The following DMXL1 variants were observed in gnomAD, a reference collection of about 807,000 sequenced individuals.
DMXL1 encodes the protein dmX-like protein 1.
A neutral mutation model predicts 319.2 loss-of-function variants in DMXL1; 99 were observed. That is an observed-to-expected ratio of 0.31 (90% CI 0.26 to 0.37). The LOEUF (loss-of-function observed/expected upper bound fraction) is 0.37. DMXL1 is among the 10% of genes least tolerant of loss of function. The pLI, the probability that DMXL1 is intolerant of heterozygous loss-of-function variation, is 1.00. For missense variants in DMXL1, 3,745 were observed against 3,595.6 expected, an observed-to-expected ratio of 1.04 and a Z score of -1.06; for synonymous variants, 1,385 against 1,235.2, an observed-to-expected ratio of 1.12 and a Z score of -2.54.
intron 9 of DMXL1, chr5:119,128,274 A>G: frequency 3.3e-6 from 1 of 299,646 alleles, no homozygotes; most frequent in Non-Finnish European, 6.5e-6. Context: ...TTCTGAATCC[A>G]GATTTCCCCA....
chr5:119,091,591 A>G (rs894691995), intron 1 of DMXL1, among the ~76,000 whole-genome samples: 1 of 152,052 alleles, frequency 6.6e-6, no homozygotes, highest in Non-Finnish European at 1.5e-5. Context: ...GTTTTGGTTT[A>G]TATTGGATAT....
At chr5:119,082,016 TATATACACACACACACAC>T (rs1342816979) in intron 1 of DMXL1, among the ~76,000 whole-genome samples, 1 of 78,724 alleles carries the variant, frequency 1.3e-5, no homozygotes, top group African/African-American at 3.7e-5. Context: ...TATATATATA[TATATACACACACACACAC>T]ACACACACAC....
chr5:119,125,233 T>C (rs1410949451), intron 9 of DMXL1, among the ~76,000 whole-genome samples: 1 of 152,206 alleles, frequency 6.6e-6, no homozygotes, highest in Non-Finnish European at 1.5e-5. Flanking sequence ...GACTTTTTTC[T>C]CTTCAAGGGT....
Position 119,134,014 on chromosome 5 carries a change from A to G in DMXL1, c.2090A>G (p.Asp697Gly). The G allele has an allele frequency of 1.9e-6, 3 of 1,614,158 alleles. No individual in the cohort carries two copies. The highest frequency in any genetic ancestry group is 2.5e-6 in the Non-Finnish European group (3 of 1,180,038). Residue 697 changes from aspartate to glycine, a missense_variant, in exon 12 of 44, where the codon GAT becomes GGT. Physicochemically the swap from Asp to Gly is moderately conservative, Grantham distance 94. This residue lies in a region of DMXL1 where 2,096 missense variants were observed against 1,985.4 expected (regional missense o/e 1.06). Coordinates refer to ENST00000539542, the MANE Select transcript of DMXL1 (RefSeq NM_001290321.3). ...NKSTVDVAFQ[D>G]PSAVYSELIL... is the part of the protein sequence containing the mutation. ...AGCACTGTTGACGTGGCATTTCAGG[A>G]TCCCAGTGCAGTTTACAGTGAGCTT...
chr5:119,174,033 A>T (rs1056344739), intron 25 of DMXL1, among the ~76,000 whole-genome samples: 1 of 151,816 alleles, frequency 6.6e-6, no homozygotes, highest in Non-Finnish European at 1.5e-5. Context: ...AGGAAAAGCA[A>T]TGACCCAGCT....
At chr5:119,092,941 T>C (rs973322439) in intron 1 of DMXL1, among the ~76,000 whole-genome samples, 2 of 152,254 alleles carry the variant, frequency 1.3e-5, no homozygotes, top group African/African-American at 2.4e-5. Flanking sequence ...CCATTATGAA[T>C]AATGCTGGTA....
chr5:119,236,364 C>G (rs1226649707), intron 39 of DMXL1: 1 of 151,970 alleles, frequency 6.6e-6, no homozygotes, highest in East Asian at 1.9e-4. Flanking sequence ...GTCTATCCTA[C>G]ATAATTATGC....
chr5:119,240,303 A>G (rs1788538784), intron 41 of DMXL1, 116 bp from the exon 42 acceptor site: 3 of 608,638 alleles, frequency 4.9e-6, no homozygotes, highest in Admixed American at 6.0e-5. Flanking sequence ...TGTTGCTTTT[A>G]TAAATTTAAG....
chr5:119,144,662 T>C, intron 15 of DMXL1, 24 bp downstream of exon 15: 14 of 1,421,068 alleles, frequency 9.9e-6, no homozygotes, highest in Non-Finnish European at 1.2e-5. Context: ...ATTTATGGAA[T>C]GAGAAATACT....
At chr5:119,125,767 T>C (rs1374736588) in intron 9 of DMXL1, among the ~76,000 whole-genome samples, 1 of 152,000 alleles carries the variant, frequency 6.6e-6, no homozygotes, top group Non-Finnish European at 1.5e-5. Context: ...GGTTTCACCA[T>C]GTTAGCAAGG....
At chr5:119,079,285 T>C (rs1580561765) in intron 1 of DMXL1, among the ~76,000 whole-genome samples, 1 of 152,212 alleles carries the variant, frequency 6.6e-6, no homozygotes, top group East Asian at 1.9e-4. Context: ...GCATCCATTC[T>C]TTCCTTCTCT....
intron 1 of DMXL1, among the ~76,000 whole-genome samples, chr5:119,092,611 C>T (rs1046051915): frequency 1.1e-4 from 16 of 152,070 alleles, no homozygotes; most frequent in African/African-American, 3.9e-4. Context: ...TTTCCTCACC[C>T]CCAAGAGAAA....
intron 43 of DMXL1, among the ~76,000 whole-genome samples, chr5:119,246,023 A>G (rs17442317): frequency 0.17 from 25,615 of 152,210 alleles, 2,779 homozygotes; most frequent in Non-Finnish European, 0.25. Context: ...ATGATCTCCA[A>G]TAAAACCAGG....
intron 9 of DMXL1, among the ~76,000 whole-genome samples, chr5:119,128,771 A>G (rs1317284005): frequency 6.6e-6 from 1 of 152,176 alleles, no homozygotes. Context: ...AGTATTTAAA[A>G]AATCTTAAAA....
At chr5:119,192,347 C>G (rs374942795) in intron 29 of DMXL1, among the ~76,000 whole-genome samples, 1 of 152,070 alleles carries the variant, frequency 6.6e-6, no homozygotes, top group Admixed American at 6.6e-5. Context: ...AGTTCTCTTC[C>G]TCTCTGTTGA....
chr5:119,122,077 CGGGCGGGGGGCT>C (rs1397255890), intron 9 of DMXL1, among the ~76,000 whole-genome samples: 1 of 138,494 alleles, frequency 7.2e-6, no homozygotes, highest in African/African-American at 2.7e-5. Flanking sequence ...GGCGGCTGGC[CGGGCGGGGGGCT>C]GACCCCCCCA....
At chr5:119,142,019 A>T (rs866798536) in intron 13 of DMXL1, among the ~76,000 whole-genome samples, 1 of 152,116 alleles carries the variant, frequency 6.6e-6, no homozygotes, top group Non-Finnish European at 1.5e-5. Flanking sequence ...TGGGGAAAGG[A>T]TTCCATTAAT....
At chr5:119,103,081 GA>G (rs1047969143) in intron 3 of DMXL1, among the ~76,000 whole-genome samples, 44 of 148,932 alleles carry the variant, frequency 3.0e-4, no homozygotes, top group African/African-American at 1.0e-3. Flanking sequence ...AAAATTAAAA[GA>G]TTTTTTTTTT....
chr5:119,220,420 A>T lies in DMXL1; in HGVS notation c.8014-52A>T, dbSNP rs779172345. ...TACCATTTTCAAAAGCAGCTCATAT[A>T]CTATCTCTTTTGCCTATTGCTTTTA... On this transcript the variant is annotated intron_variant, in intron 35 of 43. Transcript: ENST00000539542. 54 of 1,575,614 alleles carry T rather than the reference A, an allele frequency of 3.4e-5. No individual in the cohort carries two copies. The Admixed American group carries it at 9.3e-4, about 27-fold the overall frequency.
Sources: gnomAD v4.1 joint callset for allele counts (sites outside exome capture counted in the v4.1 genomes callset) on GRCh38, gnomAD v4.1.1 for gene constraint, gnomAD v4.1.1 regional missense constraint, MANE v1.5 for transcripts, NCBI Gene and HGNC (gene_info 2026-07-23, HGNC 2026-07-21) for gene names.